The following NDE1 variants were observed in gnomAD, a reference collection of about 807,000 sequenced individuals.
NDE1 encodes nudE neurodevelopment protein 1.
NDE1 carries 28 observed loss-of-function variants against 43.4 expected under a neutral mutation model. The ratio of observed to expected loss-of-function variants is 0.65; its 90% CI spans 0.48 to 0.89. The LOEUF is 0.89. Among genes scored for constraint, NDE1 ranks in the 40% least tolerant of loss-of-function variants. The pLI, the probability that NDE1 is intolerant of heterozygous loss-of-function variation, is 0.00. For synonymous variants in NDE1, 184 were observed against 172.0 expected (o/e 1.07, Z -0.55); for missense variants, 441 against 434.1 (o/e 1.02, Z -0.14).
intron 7 of NDE1, among the ~76,000 whole-genome samples, chr16:15,696,142 G>A (rs1233276922): frequency 4.6e-5 from 7 of 151,944 alleles, no homozygotes; most frequent in South Asian, 2.1e-4. Context: ...GCAGTGAGCC[G>A]TGATCTTTTT....
intron 1 of NDE1, among the ~76,000 whole-genome samples, chr16:15,657,610 G>C (rs1469585990): frequency 6.6e-6 from 1 of 151,706 alleles, no homozygotes; most frequent in African/African-American, 2.4e-5. Flanking sequence ...TTATTTTTTT[G>C]AGATGGGGTC....
chr16:15,657,859 C>CA (rs1188401305), intron 1 of NDE1, among the ~76,000 whole-genome samples: 16 of 152,152 alleles, frequency 1.1e-4, no homozygotes, highest in Admixed American at 1.0e-3. Flanking sequence ...GCCTCGGCCT[C>CA]ACAAAGGGCT....
chr16:15,718,110 G>A, intron 8 of NDE1: 1 of 766,360 alleles, frequency 1.3e-6, no homozygotes, highest in South Asian at 1.7e-5. Context: ...ATGAGACACT[G>A]CAGCGTGGAG....
intron 8 of NDE1, chr16:15,717,521 G>A (rs1006957583): frequency 9.0e-5 from 60 of 668,224 alleles, no homozygotes; most frequent in African/African-American, 2.0e-4. Context: ...CAGGCCGGGC[G>A]TGGTGGCGCA....
At chr16:15,702,495 T>G (rs2039253040) in intron 8 of NDE1, among the ~76,000 whole-genome samples, 1 of 151,978 alleles carries the variant, frequency 6.6e-6, no homozygotes, top group African/African-American at 2.4e-5. Flanking sequence ...GCTCACATGA[T>G]CCTCCTGCCT....
chr16:15,695,698 A>G, intron 7 of NDE1: 1 of 985,332 alleles, frequency 1.0e-6, no homozygotes, highest in Non-Finnish European at 1.2e-6. Flanking sequence ...ATTTGTAGCT[A>G]CAACTTAATA....
chr16:15,676,957 G>A (rs117475767), intron 3 of NDE1, among the ~76,000 whole-genome samples: 1 of 152,124 alleles, frequency 6.6e-6, no homozygotes, highest in African/African-American at 2.4e-5. Flanking sequence ...AGAGGTTTAC[G>A]TGGCTTGCTT....
At chr16:15,663,222 C>T (rs1172169918) in intron 1 of NDE1, among the ~76,000 whole-genome samples, 3 of 151,668 alleles carry the variant, frequency 2.0e-5, no homozygotes, top group Non-Finnish European at 4.4e-5. Flanking sequence ...TTACCATTGC[C>T]TTCCAGTTCT....
At chr16:15,677,635 G>A (rs769939177) in intron 3 of NDE1, among the ~76,000 whole-genome samples, 166 bp from the exon 4 acceptor site, 1 of 151,460 alleles carries the variant, frequency 6.6e-6, no homozygotes, top group Non-Finnish European at 1.5e-5. Flanking sequence ...CCAGGCTGGA[G>A]TGGAGTGTTA....
intron 8 of NDE1, chr16:15,713,322 C>G (rs1182703411): frequency 1.3e-5 from 2 of 152,088 alleles, no homozygotes; most frequent in East Asian, 3.9e-4. Flanking sequence ...GTGCACGTTT[C>G]ATGATCATTT....
At chr16:15,721,882 G>A (rs901463574) in intron 8 of NDE1, among the ~76,000 whole-genome samples, 10 of 152,038 alleles carry the variant, frequency 6.6e-5, no homozygotes, top group African/African-American at 2.2e-4. Context: ...GTTTTAGATG[G>A]AGTCTCACTT....
chr16:15,651,445 T>TG (rs1157162986), intron 1 of NDE1: 5 of 148,646 alleles, frequency 3.4e-5, no homozygotes, highest in African/African-American at 7.4e-5. Flanking sequence ...TTTTTTTTTT[T>TG]TTTTGTTTTT....
intron 8 of NDE1, among the ~76,000 whole-genome samples, chr16:15,705,984 C>CAAAAAAAA (rs57451847): frequency 0.2 from 11,302 of 56,438 alleles, 2,490 homozygotes; most frequent in South Asian, 0.27. Flanking sequence ...GACTCCGTCT[C>CAAAAAAAA]AAAAAAAAAA....
At chr16:15,695,517 C>G (rs973991441) in intron 7 of NDE1, 1 of 952,910 alleles carries the variant, frequency 1.0e-6, no homozygotes, top group Non-Finnish European at 1.2e-6. Flanking sequence ...AAAAAAAAAT[C>G]TTGAAAGCCT....
At chr16:15,659,417 C>T (rs1476968595) in intron 1 of NDE1, among the ~76,000 whole-genome samples, 1 of 145,636 alleles carries the variant, frequency 6.9e-6, no homozygotes, top group East Asian at 2.0e-4. Flanking sequence ...AGGGACCTTG[C>T]ACACAATCTT....
At chr16:15,677,970 C>T in intron 4 of NDE1, 21 bp downstream of exon 4, 1 of 1,613,690 alleles carries the variant, frequency 6.2e-7, no homozygotes, top group Non-Finnish European at 8.5e-7. Context: ...AAGGGAAAAG[C>T]ACGAGTGGGA....
At chr16:15,720,991 G>T in intron 8 of NDE1, 1 of 1,614,106 alleles carries the variant, frequency 6.2e-7, no homozygotes, top group Non-Finnish European at 8.5e-7. Context: ...TCTTCCAGCT[G>T]CGTCTTCATC....
intron 7 of NDE1, chr16:15,695,421 T>C (rs2151136687): frequency 2.3e-6 from 2 of 864,502 alleles, no homozygotes; most frequent in South Asian, 1.1e-4. Context: ...TGCAGGAAAA[T>C]TGTTTGAATC....
chr16:15,718,314 C>A, intron 8 of NDE1: 1 of 1,609,006 alleles, frequency 6.2e-7, no homozygotes, highest in Non-Finnish European at 8.5e-7. Flanking sequence ...GCGGCCCTCA[C>A]CTGCTGTGTG....
Sources: allele counts gnomAD v4.1 joint callset (sites outside exome capture counted in the v4.1 genomes callset), GRCh38; gene constraint gnomAD v4.1.1; transcripts MANE v1.5; gene names NCBI Gene and HGNC (gene_info 2026-07-23, HGNC 2026-07-21).